MPP4: variants seen among roughly 807,000 people sequenced by gnomAD.
MPP4 encodes the protein MAGUK p55 subfamily member 4.
MPP4 carries 91 observed loss-of-function variants against 98.3 expected under a neutral mutation model. The ratio of observed to expected loss-of-function variants is 0.93; its 90% confidence interval spans 0.78 to 1.10. MPP4 has a LOEUF of 1.10. Ranked by LOEUF, MPP4 falls within the 50% of genes least tolerant of loss-of-function variation. The pLI is 0.00. For missense variants in MPP4, 744 were observed against 792.9 expected, an observed-to-expected ratio of 0.94 and a Z score of 0.74; for synonymous variants, 261 against 271.8, an observed-to-expected ratio of 0.96 and a Z score of 0.39.
Position 201,685,081 on chromosome 2 carries a change from C to T in MPP4, c.557G>A (p.Gly186Glu). 3.1e-6 allele frequency: 5 copies of T among 1,611,924 alleles called. No individual in the cohort carries two copies. The highest frequency in any genetic ancestry group is 4.2e-6 in the Non-Finnish European group (5 of 1,179,246). The change falls in exon 7 of 22, where the codon GGG (glycine) becomes GAG (glutamate). Residue 186 changes from glycine to glutamate, a missense_variant. Gly to Glu is a moderately conservative substitution (Grantham distance 98). Transcript: ENST00000409474. Reference sequence around the variant, plus strand: ...CAGCTTACCACTTCTCTCCGCCAGCCCACCGTGGATGATCCTGGCCACCAA... The same window carrying T: ...CAGCTTACCACTTCTCTCCGCCAGCTCACCGTGGATGATCCTGGCCACCAA... The part of the protein sequence containing the change: ...DILVARIIHG[G>E]LAERSGLLYA...
intron 5 of MPP4, among the ~76,000 whole-genome samples, chr2:201,686,472 G>T (rs1383693934): frequency 6.6e-6 from 1 of 152,160 alleles, no homozygotes; most frequent in Admixed American, 6.6e-5. Flanking sequence ...GGTTTAATTT[G>T]TTAGTAACAC....
intron 18 of MPP4, among the ~76,000 whole-genome samples, chr2:201,652,682 G>A (rs1363528222): frequency 6.6e-6 from 1 of 152,130 alleles, no homozygotes; most frequent in Non-Finnish European, 1.5e-5. Flanking sequence ...CTGCACCAGG[G>A]AAGCCTGCGC....
chr2:201,651,125 A>G (rs972014100), intron 18 of MPP4: 2 of 985,290 alleles, frequency 2.0e-6, no homozygotes, highest in Non-Finnish European at 2.4e-6. Flanking sequence ...ATTCATACAG[A>G]ATTTGTGTAT....
chr2:201,651,694 C>T lies in MPP4; in HGVS notation c.1382-1529G>A, dbSNP rs939519290. On this transcript the variant is annotated intron_variant, in intron 18 of 21. Coordinates refer to ENST00000409474, the MANE Select transcript of MPP4 (RefSeq NM_033066.3). ...TTTGGCCGGGCACAGTGGCTCACGC[C>T]TGTAATCCCAGCACTTTGGGAGGCC... 3.1e-6 allele frequency: 3 copies of T among 980,520 alleles called. No individual in the cohort carries two copies. In the Admixed American group the frequency reaches 1.8e-4, roughly 60 times the overall value. 60.7% of individuals were successfully genotyped at this position (980,520 alleles called of 1,614,324 possible).
At chr2:201,688,334 C>T (rs1248652967) in intron 4 of MPP4, among the ~76,000 whole-genome samples, 1 of 152,142 alleles carries the variant, frequency 6.6e-6, no homozygotes, top group Admixed American at 6.5e-5. Context: ...GGAGGAGACA[C>T]AGACAACAAA....
In MPP4 at chr2:201,656,305, C is replaced by T. The variant is rs1402513135; in HGVS notation, c.1193G>A (p.Ser398Asn). The T allele has an allele frequency of 3.2e-6, 5 of 1,571,792 alleles. No homozygotes were observed. In the South Asian group the frequency reaches 5.9e-5, roughly 18 times the overall value. ...RKSHLSPLHA[S>N]VCCTGSCYSA... ...GTAGCAGCTGCCGGTGCAGCACACA[C>T]TGGCATGCAGCGGGCTGAGGTGAGA... is the stretch of plus-strand genomic sequence containing the variant. Residue 398 changes from serine to asparagine, a missense_variant, in exon 17 of 22, where the codon AGT (serine) becomes AAT (asparagine). Transcript: ENST00000409474.
intron 18 of MPP4, chr2:201,651,486 A>G (rs1687710706): frequency 1.0e-6 from 1 of 985,344 alleles, no homozygotes; most frequent in South Asian, 4.7e-5. Flanking sequence ...ATGGTAGGTT[A>G]AAGTCTGTGA....
intron 18 of MPP4, chr2:201,651,680 A>T: frequency 1.0e-6 from 1 of 984,770 alleles, no homozygotes; most frequent in Non-Finnish European, 1.2e-6. Context: ...TTGGCCGGGC[A>T]CAGTGGCTCA....
chr2:201,687,467 T>C (rs1008209516), intron 4 of MPP4, 96 bp from the exon 5 acceptor site: 3 of 850,378 alleles, frequency 3.5e-6, no homozygotes, highest in South Asian at 1.8e-5. Context: ...ACTAACATGA[T>C]ATTGACCTTT....
chr2:201,676,303 T>C (rs1688505077), intron 10 of MPP4, among the ~76,000 whole-genome samples: 1 of 152,118 alleles, frequency 6.6e-6, no homozygotes, highest in African/African-American at 2.4e-5. Context: ...AGTCAAGCAA[T>C]GTGGTGGAGG....
chr2:201,664,095 T>G lies in MPP4; in HGVS notation c.1058A>C (p.Glu353Ala). 1 of 1,519,140 alleles carries G rather than the reference T, an allele frequency of 6.6e-7. No homozygotes were observed. The allele number at this position is 1,519,140 out of a possible 1,614,324, so 94.1% of individuals were successfully genotyped here. Reference protein sequence around the residue: ...IDEKCVEADEETFESEELSED... With the variant: ...IDEKCVEADEATFESEELSED... ...TTTTTACTTACCAGATTCAAATGTT[T>G]CTTCATCTATGATTTTTCATGGAGG... The change falls in exon 14 of 22, where the codon GAA becomes GCA. Residue 353 changes from glutamate to alanine, a missense_variant. Coordinates refer to ENST00000409474, the MANE Select transcript of MPP4 (RefSeq NM_033066.3).
intron 10 of MPP4, among the ~76,000 whole-genome samples, chr2:201,679,053 C>T (rs1402301177): frequency 6.6e-6 from 1 of 152,110 alleles, no homozygotes; most frequent in Non-Finnish European, 1.5e-5. Flanking sequence ...TTAATTTTAA[C>T]TTCCAGCATC....
Position 201,656,184 on chromosome 2 carries a change from A to G in MPP4, c.1300+14T>C, listed in dbSNP as rs1395502387. On this transcript the variant is annotated intron_variant, in intron 17 of 21. Transcript: ENST00000409474. ...TCTCAAGGAGGAGGAGAGACAGTGCATGCTGGGACATACCCATGAGCACTA... is the reference window on the plus strand; with the variant it reads ...TCTCAAGGAGGAGGAGAGACAGTGCGTGCTGGGACATACCCATGAGCACTA... 3 of 1,591,770 alleles carry G rather than the reference A, an allele frequency of 1.9e-6. No homozygotes were observed. The East Asian group carries it at 6.8e-5, about 36-fold the overall frequency.
chr2:201,698,413 A>C (rs1677999868), intron 1 of MPP4, among the ~76,000 whole-genome samples, 174 bp downstream of exon 1: 1 of 152,162 alleles, frequency 6.6e-6, no homozygotes, highest in African/African-American at 2.4e-5. Context: ...TCGAAGCAAA[A>C]CCTGCTCTTT....
intron 10 of MPP4, among the ~76,000 whole-genome samples, chr2:201,676,516 T>A (rs1688510236): frequency 6.6e-6 from 1 of 152,226 alleles, no homozygotes; most frequent in Non-Finnish European, 1.5e-5. Flanking sequence ...GAGACCTTAC[T>A]GTAAACTCAA....
At chr2:201,651,443 C>A in intron 18 of MPP4, 1 of 985,416 alleles carries the variant, frequency 1.0e-6, no homozygotes, top group Non-Finnish European at 1.2e-6. Flanking sequence ...CCCAAGATGA[C>A]TCCTCCTTTG....
chr2:201,692,543 CAAAA>C (rs10618429), intron 3 of MPP4, among the ~76,000 whole-genome samples: 17 of 129,804 alleles, frequency 1.3e-4, no homozygotes, highest in Middle Eastern at 3.9e-3. Flanking sequence ...GACTCTGTCT[CAAAA>C]AAAAAAAAAA....
At chr2:201,685,820 C>T (rs961712312) in intron 6 of MPP4, 99 bp downstream of exon 6, 74 of 1,431,202 alleles carry the variant, frequency 5.2e-5, no homozygotes, top group Middle Eastern at 3.8e-4. Flanking sequence ...TATATGTGAT[C>T]GCAGGCAAGG....
chr2:201,681,483 A>T lies in MPP4; in HGVS notation c.732+13T>A, dbSNP rs768850316. ...TTACTGTGTGTGAGATTGAAGGCTCAGTAAATTCTTACCATCTGCTGGCTA... is the reference window on the plus strand; with the variant it reads ...TTACTGTGTGTGAGATTGAAGGCTCTGTAAATTCTTACCATCTGCTGGCTA... On this transcript the variant is annotated intron_variant, in intron 9 of 21. Coordinates refer to ENST00000409474, the MANE Select transcript of MPP4 (RefSeq NM_033066.3). 34 of 1,605,204 alleles carry T rather than the reference A, an allele frequency of 2.1e-5. No individual in the cohort carries two copies. Among genetic ancestry groups the T allele is most frequent in the Admixed American group, 5.0e-5 (3 of 59,972 alleles).
Sources: allele counts gnomAD v4.1 joint callset (sites outside exome capture counted in the v4.1 genomes callset), GRCh38; gene constraint gnomAD v4.1.1; transcripts MANE v1.5; gene names NCBI Gene and HGNC (gene_info 2026-07-23, HGNC 2026-07-21).